KCNA6: variants seen among roughly 807,000 people sequenced by gnomAD.
KCNA6 encodes the protein potassium voltage-gated channel subfamily A member 6.
In KCNA6, 17 loss-of-function variants were observed where a neutral mutation model predicts 29.5. That is an observed-to-expected ratio of 0.58 (90% confidence interval 0.39 to 0.86). The LOEUF (loss-of-function observed/expected upper bound fraction) is 0.86, where lower values mean the gene tolerates loss of function less well. Ranked by LOEUF, KCNA6 falls within the 40% of genes least tolerant of loss-of-function variation. KCNA6 has a pLI of 0.00. For synonymous variants in KCNA6, 296 were observed against 304.7 expected (o/e 0.97, Z 0.30); for missense variants, 450 against 703.4 (o/e 0.64, Z 4.07).
chr12:4,821,430 G>A, the KCNA6 span, among the ~76,000 whole-genome samples: 1 of 89,320 alleles, frequency 1.1e-5, no homozygotes, highest in South Asian at 4.8e-4. Context: ...GTGTGTGTGT[G>A]TGTGTGTGTG....
the KCNA6 span, among the ~76,000 whole-genome samples, chr12:4,848,685 C>G: frequency 2.0e-5 from 3 of 151,988 alleles, no homozygotes; most frequent in African/African-American, 7.2e-5. Context: ...CAGGCATGCA[C>G]CACCACGCCC....
At chr12:4,820,994 C>T in the KCNA6 span, among the ~76,000 whole-genome samples, 7 of 152,110 alleles carry the variant, frequency 4.6e-5, no homozygotes, top group Non-Finnish European at 7.4e-5. Flanking sequence ...AATTTTATAG[C>T]GGAAAGAAGG....
At chr12:4,821,727 C>T in the KCNA6 span, among the ~76,000 whole-genome samples, 1 of 152,214 alleles carries the variant, frequency 6.6e-6, no homozygotes, top group African/African-American at 2.4e-5. Flanking sequence ...TTGCTTTCCA[C>T]CCACCATCAG....
At chr12:4,841,181 C>T in the KCNA6 span, among the ~76,000 whole-genome samples, 1 of 152,204 alleles carries the variant, frequency 6.6e-6, no homozygotes, top group Non-Finnish European at 1.5e-5. Context: ...ATGCCCTCAT[C>T]TTATGCTGAA....
the KCNA6 span, among the ~76,000 whole-genome samples, chr12:4,842,971 T>C: frequency 6.6e-6 from 1 of 151,564 alleles, no homozygotes; most frequent in African/African-American, 2.4e-5. Flanking sequence ...TGGAAAGAGG[T>C]GAATGGGGTT....
chr12:4,832,424 C>T, the KCNA6 span, among the ~76,000 whole-genome samples: 5 of 152,038 alleles, frequency 3.3e-5, no homozygotes, highest in East Asian at 1.9e-4. Context: ...GGAGATCCTT[C>T]AGGCCTGGTC....
the KCNA6 span, among the ~76,000 whole-genome samples, chr12:4,835,520 A>G: frequency 6.6e-6 from 1 of 151,818 alleles, no homozygotes; most frequent in Non-Finnish European, 1.5e-5. Context: ...GCCCTTTATA[A>G]ATGTAATTCT....
chr12:4,821,418 ATGTG>A, the KCNA6 span, among the ~76,000 whole-genome samples: 10,959 of 143,412 alleles, frequency 0.076, 436 homozygotes, highest in East Asian at 0.14. Flanking sequence ...ACTCACTTGG[ATGTG>A]TGTGTGTGTG....
At chr12:4,846,555 T>C in the KCNA6 span, among the ~76,000 whole-genome samples, 1 of 152,180 alleles carries the variant, frequency 6.6e-6, no homozygotes, top group Non-Finnish European at 1.5e-5. Flanking sequence ...CTGAACATCT[T>C]CTTTTTCCTT....
the KCNA6 span, among the ~76,000 whole-genome samples, chr12:4,842,947 A>G: frequency 6.6e-6 from 1 of 152,122 alleles, no homozygotes; most frequent in Non-Finnish European, 1.5e-5. Context: ...GGACTAGGGC[A>G]ATGGTGATGG....
At chr12:4,828,719 G>T in the KCNA6 span, among the ~76,000 whole-genome samples, 2 of 152,292 alleles carry the variant, frequency 1.3e-5, no homozygotes, top group African/African-American at 4.8e-5. Flanking sequence ...CTTGCCCAGA[G>T]TCACACACAG....
chr12:4,821,899 T>C, the KCNA6 span, among the ~76,000 whole-genome samples: 5 of 152,110 alleles, frequency 3.3e-5, no homozygotes, highest in African/African-American at 1.2e-4. Flanking sequence ...TGCAGTGGCA[T>C]GGTCTCGGCT....
the KCNA6 span, among the ~76,000 whole-genome samples, chr12:4,821,501 A>G: frequency 6.6e-6 from 1 of 150,656 alleles, no homozygotes; most frequent in Non-Finnish European, 1.5e-5. Context: ...CTCCTGGTTT[A>G]TGGTTTTACA....
the KCNA6 span, among the ~76,000 whole-genome samples, chr12:4,823,345 A>C: frequency 6.6e-6 from 1 of 152,100 alleles, no homozygotes; most frequent in Admixed American, 6.6e-5. Context: ...AGCGGAAGGA[A>C]GAGGAATGCT....
chr12:4,840,479 A>C, the KCNA6 span, among the ~76,000 whole-genome samples: 1 of 152,202 alleles, frequency 6.6e-6, no homozygotes, highest in Non-Finnish European at 1.5e-5. Context: ...AAAAGCATAA[A>C]CTGTAGCCCT....
the KCNA6 span, among the ~76,000 whole-genome samples, chr12:4,833,889 T>A: frequency 1.3e-5 from 2 of 151,534 alleles, no homozygotes; most frequent in Non-Finnish European, 2.9e-5. Context: ...GTCTTCTTCT[T>A]CTTCTCCTTC....
the KCNA6 span, among the ~76,000 whole-genome samples, chr12:4,837,533 G>A: frequency 6.6e-6 from 1 of 152,062 alleles, no homozygotes; most frequent in Non-Finnish European, 1.5e-5. Flanking sequence ...CAGGTAGACA[G>A]CATCAGAATG....
chr12:4,850,639 A>G, the KCNA6 span: 1 of 329,774 alleles, frequency 3.0e-6, no homozygotes, highest in South Asian at 2.4e-5. This position sits in a 1 kb window ranked among gnomAD's most constrained non-coding sequence, Gnocchi z 5.4. Context: ...GGGGTGAGGA[A>G]GGACACTGGT....
the KCNA6 span, among the ~76,000 whole-genome samples, chr12:4,843,787 A>G: frequency 6.6e-6 from 1 of 152,080 alleles, no homozygotes. Flanking sequence ...ACAACCAGAT[A>G]TCATGAGAAC....
Sources: gnomAD v4.1 joint callset for allele counts (sites outside exome capture counted in the v4.1 genomes callset) on GRCh38, gnomAD v4.1.1 for gene constraint, Gnocchi (gnomAD v3.1) non-coding constraint, MANE v1.5 for transcripts, NCBI Gene and HGNC (gene_info 2026-07-23, HGNC 2026-07-21) for gene names.